The following STON2 variants were observed in gnomAD, a reference collection of about 807,000 sequenced individuals.
STON2 encodes the protein stonin 2, also known as stonin-2.
STON2 carries 29 observed loss-of-function variants against 65.7 expected under a neutral mutation model. The ratio of observed to expected loss-of-function variants is 0.44; its 90% CI spans 0.33 to 0.60. The LOEUF is 0.60. Ranked by LOEUF, STON2 falls within the 20% of genes least tolerant of loss-of-function variation. STON2 has a pLI of 0.03. For synonymous variants in STON2, 404 were observed against 414.2 expected (o/e 0.98, Z 0.30); for missense variants, 1,054 against 1,118.1 (o/e 0.94, Z 0.82).
intron 4 of STON2, among the ~76,000 whole-genome samples, chr14:81,330,435 C>CTT (rs144222612): frequency 0.013 from 1,865 of 145,390 alleles, 36 homozygotes; most frequent in African/African-American, 0.044. Flanking sequence ...GAGATGGTGT[C>CTT]TTTTTTTTTT....
At chr14:81,317,284 G>C (rs889812847) in intron 5 of STON2, among the ~76,000 whole-genome samples, 1 of 152,132 alleles carries the variant, frequency 6.6e-6, no homozygotes, top group African/African-American at 2.4e-5. Context: ...ATTCATGAGG[G>C]ATCTGCCCCC....
At chr14:81,409,916 A>T (rs3844533) in intron 2 of STON2, among the ~76,000 whole-genome samples, 38,128 of 152,194 alleles carry the variant, frequency 0.25, 7,285 homozygotes, top group African/African-American at 0.51. Flanking sequence ...TAGTTAAACA[A>T]AAATGGAGAT....
rs190152016 is a variant in STON2, at chr14:81,316,968, C to T, written c.742+7049G>A. ...CCGCGAGGCAGAGGTTGCAGTGAGC[C>T]GAGATCGCACCACTGCACTCCAGCC... On this transcript the variant is annotated intron_variant, in intron 5 of 7. Coordinates refer to ENST00000614646, the MANE Select transcript of STON2 (RefSeq NM_001394390.1). 1.9e-3 allele frequency among the ~76,000 whole-genome samples: 288 copies of T among 151,974 alleles called. 1 individual carries two copies. Among genetic ancestry groups the T allele is most frequent in the African/African-American group, 4.9e-3 (205 of 41,446 alleles).
intron 5 of STON2, among the ~76,000 whole-genome samples, chr14:81,291,664 G>C (rs911923259): frequency 5.3e-5 from 8 of 151,494 alleles, no homozygotes; most frequent in African/African-American, 1.9e-4. Flanking sequence ...ATGTTTATTA[G>C]TTTATTAGAA....
chr14:81,348,861 A>G (rs1228428880), intron 4 of STON2, among the ~76,000 whole-genome samples: 1 of 143,294 alleles, frequency 7.0e-6, no homozygotes, highest in Non-Finnish European at 1.6e-5. Context: ...ATTCAAAGTT[A>G]TAGTGACTAA....
At position 81,324,142 on chromosome 14, in the gene STON2, G is replaced by C. The variant is rs2140248682; in HGVS notation, c.617C>G (p.Pro206Arg). Among the ~76,000 whole-genome samples the C allele has an allele frequency of 6.6e-6, 1 of 152,272 alleles. No individual in the cohort carries two copies. The highest frequency in any genetic ancestry group is 2.1e-4 in the South Asian group (1 of 4,826). Reference sequence around the variant, plus strand: ...GGTATGCTCCGAGCATGCTTGAACAGGACTCACTGCCGTCTGCCTGCCTGT... The same window carrying C: ...GGTATGCTCCGAGCATGCTTGAACACGACTCACTGCCGTCTGCCTGCCTGT... ...WQTGRQTAVS[P>R]VQACSEHTST... Residue 206 changes from proline (P) to arginine (R), a missense_variant, in exon 5 of 8, where the codon CCT becomes CGT. Physicochemically the swap from Pro to Arg is moderately radical, Grantham distance 103. Transcript: ENST00000614646.
intron 1 of STON2, among the ~76,000 whole-genome samples, chr14:81,432,183 T>C (rs149497065): frequency 2.6e-5 from 4 of 151,550 alleles, no homozygotes; most frequent in Admixed American, 6.6e-5. Flanking sequence ...AGAAAAACCA[T>C]AGCAAAAAAA....
chr14:81,324,040 G>C lies in STON2; in HGVS notation c.719C>G (p.Pro240Arg), dbSNP rs910585957. Residue 240 changes from proline to arginine, a missense_variant, in exon 5 of 8, where the codon CCG becomes CGG. By Grantham distance (103) the Pro-to-Arg change is moderately radical. Transcript: ENST00000614646. ...ACCATTGGGAGCAGAGGCCCCCTCC[G>C]GACCCTCGCCGGGGTTCTGGCTCCT... Reference protein sequence around the residue: ...PKRSQNPGEGPEGASAPNDNS... With the variant: ...PKRSQNPGEGREGASAPNDNS... 6.6e-6 allele frequency among the ~76,000 whole-genome samples: 1 copy of C among 152,228 alleles called. No individual in the cohort carries two copies. Among genetic ancestry groups the C allele is most frequent in the African/African-American group, 2.4e-5 (1 of 41,460 alleles).
chr14:81,344,992 A>G (rs1160127717), intron 4 of STON2, among the ~76,000 whole-genome samples: 1 of 152,210 alleles, frequency 6.6e-6, no homozygotes, highest in Non-Finnish European at 1.5e-5. Flanking sequence ...AGGCTGATTG[A>G]GAGACTTATT....
chr14:81,286,419 G>C (rs1895336235), intron 5 of STON2, among the ~76,000 whole-genome samples: 1 of 152,170 alleles, frequency 6.6e-6, no homozygotes, highest in African/African-American at 2.4e-5. Flanking sequence ...ACCACCCTGA[G>C]GCAAGGCTGT....
intron 5 of STON2, among the ~76,000 whole-genome samples, chr14:81,288,592 T>G (rs1481526119): frequency 6.6e-6 from 1 of 152,178 alleles, no homozygotes; most frequent in African/African-American, 2.4e-5. Context: ...GACTGAAATG[T>G]TATGTGGGGC....
intron 5 of STON2, among the ~76,000 whole-genome samples, chr14:81,293,909 G>GT (rs1479848727): frequency 2.6e-5 from 4 of 152,282 alleles, no homozygotes; most frequent in East Asian, 1.9e-4. Flanking sequence ...CAAATGGTGG[G>GT]TTTTTTTCTT....
At chr14:81,427,757 C>A (rs1415754618) in intron 1 of STON2, among the ~76,000 whole-genome samples, 2 of 152,000 alleles carry the variant, frequency 1.3e-5, no homozygotes, top group Admixed American at 1.3e-4. Context: ...CTTTGACTGC[C>A]CTGCTGATAC....
intron 3 of STON2, among the ~76,000 whole-genome samples, chr14:81,389,512 G>C (rs1191354446): frequency 6.6e-6 from 1 of 152,214 alleles, no homozygotes; most frequent in Non-Finnish European, 1.5e-5. Flanking sequence ...GCATTTTAGA[G>C]TGGATAAATG....
chr14:81,306,235 TTTTTTTTTTTTTG>T (rs1425880766), intron 5 of STON2, among the ~76,000 whole-genome samples: 5 of 133,636 alleles, frequency 3.7e-5, no homozygotes, highest in Non-Finnish European at 3.1e-5. Flanking sequence ...TTTTTTTTTT[TTTTTTTTTTTTTG>T]AGATGGAGTT....
intron 5 of STON2, among the ~76,000 whole-genome samples, chr14:81,282,240 A>G (rs1397603688): frequency 6.6e-6 from 1 of 152,220 alleles, no homozygotes; most frequent in African/African-American, 2.4e-5. Context: ...AATTCCATGT[A>G]GCTGTCAAGA....
At chr14:81,341,489 A>G (rs143226601) in intron 4 of STON2, among the ~76,000 whole-genome samples, 2 of 143,776 alleles carry the variant, frequency 1.4e-5, no homozygotes, top group Non-Finnish European at 3.0e-5. Flanking sequence ...CTGGCCCTGA[A>G]TCCTATTTCC....
Position 81,262,949 on chromosome 14 carries a change from TG to T in STON2, c.*5464del. 1 of 985,412 alleles carries T rather than the reference TG, an allele frequency of 1.0e-6. No individual in the cohort carries two copies. The highest frequency in any genetic ancestry group is 1.2e-6 in the Non-Finnish European group (1 of 829,912). The allele number at this position is 985,412 out of a possible 1,614,324, so 61.0% of individuals were successfully genotyped here. A position where few individuals can be genotyped will look rare whatever the true frequency, so the allele number is the denominator to read the frequency against. ...TTTAAACAAGATAAGAAATGGTTTG[TG>T]GGGAATTAGCACTTAGACCTTGGTA... On this transcript the variant is annotated 3_prime_UTR_variant, in exon 8 of 8. Coordinates refer to ENST00000614646, the MANE Select transcript of STON2 (RefSeq NM_001394390.1).
rs1272188239 is a variant in STON2 at position 81,415,678 on chromosome 14, A to AAG, written c.-199+11423_-199+11424insCT. Among the ~76,000 whole-genome samples, 322 of 151,768 alleles carry AAG rather than the reference A, an allele frequency of 2.1e-3. 3 individuals are homozygous for AAG. Among genetic ancestry groups the AAG allele is most frequent in the African/African-American group, 7.5e-3 (309 of 41,302 alleles). On this transcript the variant is annotated intron_variant, in intron 2 of 8. Transcript: ENST00000553821. ...AGTGAGACTCCATCGCAAAAAAAAA[A>AAG]AAAAAAAAAAAATCTATTGTAATTC... is the stretch of plus-strand genomic sequence containing the variant.
Sources: gnomAD v4.1 joint callset for allele counts (sites outside exome capture counted in the v4.1 genomes callset) on GRCh38, gnomAD v4.1.1 for gene constraint, MANE v1.5 for transcripts, NCBI Gene and HGNC (gene_info 2026-07-23, HGNC 2026-07-21) for gene names.